The following PRKN variants were observed in gnomAD, a reference collection of about 807,000 sequenced individuals.
The protein encoded by PRKN is parkin RBR E3 ubiquitin protein ligase, also known as E3 ubiquitin-protein ligase parkin.
Under a neutral mutation model 59.5 loss-of-function variants are expected in PRKN, and 56 were observed. That is an observed-to-expected ratio of 0.94 (90% CI 0.76 to 1.18). PRKN has a LOEUF of 1.18. Among genes scored for constraint, PRKN ranks in the 50% most tolerant of loss-of-function variants. The pLI, the probability that PRKN is intolerant of heterozygous loss-of-function variation, is 0.00. For missense variants in PRKN, 657 were observed against 596.4 expected, an observed-to-expected ratio of 1.10 and a Z score of -1.06; for synonymous variants, 250 against 222.1, an observed-to-expected ratio of 1.13 and a Z score of -1.12.
At chr6:161,739,563 C>T (rs774392886) in intron 7 of PRKN, among the ~76,000 whole-genome samples, 63 of 152,100 alleles carry the variant, frequency 4.1e-4, no homozygotes, top group Non-Finnish European at 7.2e-4. Context: ...CGGGAAGAGT[C>T]GGCATGAGGT....
intron 1 of PRKN, among the ~76,000 whole-genome samples, chr6:162,572,595 A>AT (rs1053413674): frequency 2.0e-5 from 3 of 151,982 alleles, no homozygotes; most frequent in Non-Finnish European, 4.4e-5. Context: ...ATTTTACAGT[A>AT]TTTGGGGCAC....
chr6:162,522,162 C>T (rs1237666860), intron 1 of PRKN, among the ~76,000 whole-genome samples: 1 of 152,190 alleles, frequency 6.6e-6, no homozygotes, highest in African/African-American at 2.4e-5. Flanking sequence ...CTGGCTCTAT[C>T]ACCCAGGCTA....
chr6:162,573,958 T>A (rs918772779), intron 1 of PRKN, among the ~76,000 whole-genome samples: 4 of 152,120 alleles, frequency 2.6e-5, no homozygotes, highest in Admixed American at 2.0e-4. Flanking sequence ...AGCAACTACT[T>A]CAAATTTTGG....
chr6:161,988,719 A>G (rs1485168788), intron 5 of PRKN, among the ~76,000 whole-genome samples: 1 of 152,168 alleles, frequency 6.6e-6, no homozygotes, highest in Non-Finnish European at 1.5e-5. Context: ...GAGGACATCA[A>G]TATATAAATC....
intron 3 of PRKN, among the ~76,000 whole-genome samples, chr6:162,255,558 G>A (rs1779607990): frequency 6.6e-6 from 1 of 152,184 alleles, no homozygotes. Context: ...CTGCATTTCT[G>A]ATAAACTCCC....
chr6:162,106,062 G>C (rs1583040187), intron 4 of PRKN, among the ~76,000 whole-genome samples: 1 of 152,192 alleles, frequency 6.6e-6, no homozygotes, highest in Admixed American at 6.5e-5. Flanking sequence ...GAAAAATGTG[G>C]ATAGAAAATG....
At chr6:162,184,257 C>T (rs1783926474) in intron 4 of PRKN, among the ~76,000 whole-genome samples, 1 of 152,154 alleles carries the variant, frequency 6.6e-6, no homozygotes. Flanking sequence ...GGAGGCTTCA[C>T]AAAAGGGCAG....
At chr6:162,076,591 A>C (rs903439112) in intron 4 of PRKN, among the ~76,000 whole-genome samples, 6 of 152,100 alleles carry the variant, frequency 3.9e-5, no homozygotes, top group Non-Finnish European at 7.3e-5. Flanking sequence ...AGGAAGTCTT[A>C]ATTTTAGGTG....
intron 1 of PRKN, among the ~76,000 whole-genome samples, chr6:162,622,685 T>C (rs933500792): frequency 2.0e-5 from 3 of 152,208 alleles, no homozygotes; most frequent in East Asian, 1.9e-4. Context: ...TTGATTTGTA[T>C]GGGTAATTCA....
intron 6 of PRKN, among the ~76,000 whole-genome samples, chr6:161,825,323 T>C (rs567791209): frequency 6.7e-6 from 1 of 149,960 alleles, no homozygotes; most frequent in South Asian, 2.2e-4. Context: ...TTATTATCAA[T>C]TATAGTAATA....
At chr6:162,556,765 A>C in intron 1 of PRKN, among the ~76,000 whole-genome samples, 1 of 148,002 alleles carries the variant, frequency 6.8e-6, no homozygotes. Context: ...AAAAAAAAAG[A>C]GAAAAGGAAG....
chr6:161,844,197 T>C (rs988566560), intron 6 of PRKN, among the ~76,000 whole-genome samples: 2 of 152,210 alleles, frequency 1.3e-5, no homozygotes, highest in African/African-American at 4.8e-5. Flanking sequence ...TATTAAACTT[T>C]TAAAGACTAA....
chr6:162,369,424 T>C (rs1785627513), intron 2 of PRKN, among the ~76,000 whole-genome samples: 1 of 152,140 alleles, frequency 6.6e-6, no homozygotes, highest in African/African-American at 2.4e-5. Flanking sequence ...AATCTACCCT[T>C]GAACATCAGG....
intron 6 of PRKN, among the ~76,000 whole-genome samples, chr6:161,905,263 C>G (rs1778098020): frequency 6.6e-6 from 1 of 152,216 alleles, no homozygotes; most frequent in African/African-American, 2.4e-5. Flanking sequence ...CACTAACTAA[C>G]TACGTTTGCT....
chr6:162,430,382 T>G (rs1789459857), intron 2 of PRKN, among the ~76,000 whole-genome samples: 1 of 152,156 alleles, frequency 6.6e-6, no homozygotes, highest in Non-Finnish European at 1.5e-5. Context: ...CAAAATGGCA[T>G]AAGCTACATT....
rs1383157619 is a variant in PRKN at position 161,552,171 on chromosome 6, CA to C, written c.934-3169del. 6.6e-6 allele frequency among the ~76,000 whole-genome samples: 1 copy of C among 152,202 alleles called. No individual in the cohort carries two copies. Among genetic ancestry groups the C allele is most frequent in the East Asian group, 1.9e-4 (1 of 5,194 alleles). ...GTTTCTCTGCACCAACACTGAGCTG[CA>C]AAGGCAAAGTAGAAAGAATGGTGGA... is the stretch of plus-strand genomic sequence containing the variant. On this transcript the variant is annotated intron_variant, in intron 8 of 11. Coordinates refer to ENST00000366898, the MANE Select transcript of PRKN (RefSeq NM_004562.3). The surrounding 1 kb of genome is among the most constrained non-coding windows in gnomAD (Gnocchi z 4.9).
chr6:162,133,384 TC>T (rs1221118929), intron 4 of PRKN, among the ~76,000 whole-genome samples: 7 of 152,264 alleles, frequency 4.6e-5, no homozygotes, highest in South Asian at 2.1e-4. Flanking sequence ...AAGATATTTG[TC>T]CTTAGCAACT....
At chr6:162,456,362 CAAG>C (rs1790871811) in intron 1 of PRKN, among the ~76,000 whole-genome samples, 1 of 151,902 alleles carries the variant, frequency 6.6e-6, no homozygotes, top group African/African-American at 2.4e-5. Flanking sequence ...TCAAAAATAC[CAAG>C]AAACCATTCA....
intron 1 of PRKN, among the ~76,000 whole-genome samples, chr6:162,671,550 T>A (rs1404921512): frequency 6.7e-6 from 1 of 148,814 alleles, no homozygotes; most frequent in East Asian, 2.0e-4. Context: ...TAAGCCATCA[T>A]CCCTCAGGGC....
Sources: allele counts gnomAD v4.1 joint callset (sites outside exome capture counted in the v4.1 genomes callset), GRCh38; gene constraint gnomAD v4.1.1; non-coding constraint Gnocchi (gnomAD v3.1); transcripts MANE v1.5; gene names NCBI Gene and HGNC (gene_info 2026-07-23, HGNC 2026-07-21).